The following KIAA0232 variants were observed in gnomAD, a reference collection of about 807,000 sequenced individuals.
KIAA0232 encodes uncharacterized protein KIAA0232.
A neutral mutation model predicts 122.0 loss-of-function variants in KIAA0232; 27 were observed. The ratio of observed to expected loss-of-function variants is 0.22; its 90% CI spans 0.16 to 0.31. KIAA0232 has a LOEUF of 0.31. KIAA0232 is among the 10% of genes least tolerant of loss of function. The pLI is 1.00. For synonymous variants in KIAA0232, 613 were observed against 587.6 expected (o/e 1.04, Z -0.63); for missense variants, 1,551 against 1,634.2 (o/e 0.95, Z 0.88).
chr4:6,880,715 A>C (rs1027054032), intron 9 of KIAA0232, 72 bp from the exon 10 acceptor site: 51 of 1,011,680 alleles, frequency 5.0e-5, no homozygotes, highest in Non-Finnish European at 6.7e-5. Flanking sequence ...TTCTTTGTAT[A>C]TAGATAGAGT....
rs867453230 is a variant in KIAA0232, at chr4:6,879,962, T to G, written c.4009-825T>G. Among the ~76,000 whole-genome samples, 66 of 89,304 alleles carry G rather than the reference T, an allele frequency of 7.4e-4. 1 individual carries two copies. Among genetic ancestry groups the G allele is most frequent in the African/African-American group, 2.2e-3 (50 of 23,126 alleles). The allele number at this position is 89,304 out of a possible 152,430, so 58.6% of individuals were successfully genotyped here. A position where few individuals can be genotyped will look rare whatever the true frequency, so the allele number is the denominator to read the frequency against. On this transcript the variant is annotated intron_variant, in intron 9 of 9. Coordinates refer to ENST00000307659, the MANE Select transcript of KIAA0232 (RefSeq NM_014743.3). ...CCGTCTGCAGTGCCCCCTCACCATC[T>G]GTACTGTGTCACTGCAAACTCCCTT...
chr4:6,822,040 T>G (rs1459327791), intron 2 of KIAA0232, among the ~76,000 whole-genome samples: 1 of 152,162 alleles, frequency 6.6e-6, no homozygotes. Context: ...ATGACAAGTT[T>G]GAGTAATTTT....
At chr4:6,827,489 G>A (rs936754364) in intron 3 of KIAA0232, among the ~76,000 whole-genome samples, 1 of 152,162 alleles carries the variant, frequency 6.6e-6, no homozygotes, top group Non-Finnish European at 1.5e-5. Context: ...GCAGCCCCTC[G>A]AGTGGAGGCC....
intron 1 of KIAA0232, among the ~76,000 whole-genome samples, chr4:6,801,558 C>G (rs1224324967): frequency 6.6e-6 from 1 of 152,056 alleles, no homozygotes; most frequent in African/African-American, 2.4e-5. Context: ...TGGCCACACA[C>G]TTGTCGTCTT....
chr4:6,812,442 A>G (rs2108978831), intron 2 of KIAA0232, among the ~76,000 whole-genome samples: 1 of 152,274 alleles, frequency 6.6e-6, no homozygotes, highest in South Asian at 2.1e-4. Context: ...ATGCCAGGTG[A>G]AAAAGGCAGA....
In KIAA0232 at chr4:6,864,061, G is replaced by A; in HGVS notation, c.3679G>A (p.Glu1227Lys). 1 of 1,614,194 alleles carries A rather than the reference G, an allele frequency of 6.2e-7. No individual in the cohort carries two copies. Among genetic ancestry groups the A allele is most frequent in the Non-Finnish European group, 8.5e-7 (1 of 1,180,028 alleles). Reference protein sequence around the residue: ...ESLEIDLESSEANCKIMAQCE... With the variant: ...ESLEIDLESSKANCKIMAQCE... ...CCTGGAAATAGATTTAGAAAGCTCAGAAGCAAATTGTAAAATAATGGCACA... is the reference window on the plus strand; with the variant it reads ...CCTGGAAATAGATTTAGAAAGCTCAAAAGCAAATTGTAAAATAATGGCACA... The change falls in exon 7 of 10, where the codon GAA (glutamate) becomes AAA (lysine). Residue 1227 changes from glutamate to lysine, a missense_variant. Around this residue, in one of 5 missense-constraint regions of KIAA0232, gnomAD observed 1,108 missense variants for 1,154.8 expected, o/e 0.96. Coordinates refer to ENST00000307659, the MANE Select transcript of KIAA0232 (RefSeq NM_014743.3).
At chr4:6,791,609 G>A (rs188450980) in intron 1 of KIAA0232, among the ~76,000 whole-genome samples, 7 of 152,140 alleles carry the variant, frequency 4.6e-5, no homozygotes, top group Admixed American at 2.0e-4. Flanking sequence ...GATTACAGGC[G>A]TAAACCACTA....
chr4:6,871,717 C>A, intron 8 of KIAA0232, 35 bp downstream of exon 8: 1 of 1,227,728 alleles, frequency 8.1e-7, no homozygotes, highest in Non-Finnish European at 1.2e-6. Flanking sequence ...TTATTCATTG[C>A]AATTTGTAAT....
chr4:6,784,937 ATT>A (rs10563839), intron 1 of KIAA0232, among the ~76,000 whole-genome samples: 22,388 of 135,414 alleles, frequency 0.17, 2,029 homozygotes, highest in African/African-American at 0.31. Context: ...GATCAGATGA[ATT>A]TTTTTTTTTT....
At chr4:6,878,379 T>TCATATATAACATA (rs57525303) in intron 9 of KIAA0232, among the ~76,000 whole-genome samples, 2 of 149,198 alleles carry the variant, frequency 1.3e-5, no homozygotes, top group African/African-American at 2.5e-5. Flanking sequence ...CATCATTCAT[T>TCATATATAACATA]CATACATACA....
intron 2 of KIAA0232, among the ~76,000 whole-genome samples, chr4:6,810,732 A>G (rs1717839905): frequency 6.6e-6 from 1 of 152,214 alleles, no homozygotes; most frequent in Non-Finnish European, 1.5e-5. Context: ...CACTTCAACA[A>G]CAGCAAAAAC....
intron 4 of KIAA0232, among the ~76,000 whole-genome samples, chr4:6,847,934 A>T (rs1176779641): frequency 2.6e-5 from 4 of 152,040 alleles, no homozygotes; most frequent in Non-Finnish European, 4.4e-5. Context: ...CTAGTACTTT[A>T]TCTCCCACTT....
Position 6,882,477 on chromosome 4 carries a change from A to G in KIAA0232, c.*1511A>G, listed in dbSNP as rs1191574420. 2 of 152,100 alleles carry G rather than the reference A, an allele frequency of 1.3e-5. No individual in the cohort carries two copies. Among genetic ancestry groups the G allele is most frequent in the African/African-American group, 4.8e-5 (2 of 41,394 alleles). 9.4% of individuals were successfully genotyped at this position (152,100 alleles called of 1,614,324 possible). A position where few individuals can be genotyped will look rare whatever the true frequency, so the allele number is the denominator to read the frequency against. ...TTGCCTTTTTCTTAATTGATAACACAGAAAAGAAAGTACCATCAAAGACTG... is the reference window on the plus strand; with the variant it reads ...TTGCCTTTTTCTTAATTGATAACACGGAAAAGAAAGTACCATCAAAGACTG... On this transcript the variant is annotated 3_prime_UTR_variant, in exon 10 of 10. Coordinates refer to ENST00000307659, the MANE Select transcript of KIAA0232 (RefSeq NM_014743.3).
intron 2 of KIAA0232, among the ~76,000 whole-genome samples, chr4:6,821,754 T>C (rs1242540620): frequency 5.3e-5 from 8 of 151,938 alleles, no homozygotes; most frequent in Non-Finnish European, 4.4e-5. Flanking sequence ...ATCCCCTCAT[T>C]GATTGATGGG....
chr4:6,809,103 C>T (rs74985441), intron 2 of KIAA0232, among the ~76,000 whole-genome samples: 2,193 of 152,284 alleles, frequency 0.014, 21 homozygotes, highest in Non-Finnish European at 0.023. Flanking sequence ...AGGAATGATT[C>T]CATTGCCAGT....
intron 1 of KIAA0232, among the ~76,000 whole-genome samples, chr4:6,798,187 C>G (rs1446835538): frequency 6.6e-6 from 1 of 152,216 alleles, no homozygotes; most frequent in Admixed American, 6.5e-5. Flanking sequence ...CTGGTTTTGA[C>G]TCTCCATGAG....
chr4:6,830,977 A>G (rs1430391291), intron 3 of KIAA0232, among the ~76,000 whole-genome samples: 1 of 152,076 alleles, frequency 6.6e-6, no homozygotes, highest in East Asian at 1.9e-4. Flanking sequence ...AACCACCCCA[A>G]AAAAGTCCTG....
intron 2 of KIAA0232, among the ~76,000 whole-genome samples, chr4:6,815,045 TAAAAAA>T (rs35090346): frequency 2.0e-5 from 3 of 147,428 alleles, no homozygotes; most frequent in Non-Finnish European, 4.5e-5. Context: ...AAGGGAACGT[TAAAAAA>T]AAAAACACTT....
intron 9 of KIAA0232, among the ~76,000 whole-genome samples, chr4:6,880,379 C>G (rs903560941): frequency 6.6e-6 from 1 of 152,308 alleles, no homozygotes; most frequent in East Asian, 1.9e-4. Context: ...TGCAGTGCCC[C>G]CCTCACCATC....
Sources: gnomAD v4.1 joint callset for allele counts (sites outside exome capture counted in the v4.1 genomes callset) on GRCh38, gnomAD v4.1.1 for gene constraint, gnomAD v4.1.1 regional missense constraint, MANE v1.5 for transcripts, NCBI Gene and HGNC (gene_info 2026-07-23, HGNC 2026-07-21) for gene names.